The following H2BC18 variants were observed in gnomAD, a reference collection of about 807,000 sequenced individuals.
The protein encoded by H2BC18 is histone H2B type 2-F.
Under a neutral mutation model 6.3 loss-of-function variants are expected in H2BC18, and 8 were observed. That is an observed-to-expected ratio of 1.28 (90% CI 0.75 to 2.31). The LOEUF (loss-of-function observed/expected upper bound fraction) is 2.31. H2BC18 is among the 30% of genes most tolerant of loss of function. The pLI is 0.00. For synonymous variants in H2BC18, 104 were observed against 78.1 expected (o/e 1.33, Z -1.75); for missense variants, 106 against 174.5 (o/e 0.61, Z 2.21).
At chr1:149,786,953 G>A (rs1487273183) in intron 1 of H2BC18, 2 of 152,078 alleles carry the variant, frequency 1.3e-5, no homozygotes, top group Non-Finnish European at 2.9e-5. Flanking sequence ...TGTTTGAAAA[G>A]CATATGAATT....
chr1:149,812,210 G>A lies in H2BC18; in HGVS notation c.114C>T (p.Tyr38=), dbSNP rs587643369. The A allele has an allele frequency of 1.2e-6, 2 of 1,614,274 alleles. No homozygotes were observed. Among genetic ancestry groups the A allele is most frequent in the East Asian group, 2.2e-5 (1 of 44,890 alleles). Residue 38 remains tyrosine, a synonymous_variant, in exon 1 of 1, where the codon TAC becomes TAT. Coordinates refer to ENST00000369167, the MANE Select transcript of H2BC18 (RefSeq NM_001024599.5). ...KKRKRSRKES[Y]SVYVYKVLKQ... is the part of the protein sequence containing the mutation. ...TCAGCACCTTGTACACGTAAACGGA[G>A]TAGCTCTCCTTGCGGCTGCGCTTGC... is the stretch of plus-strand genomic sequence containing the variant.
chr1:149,808,797 C>T (rs1269267473), downstream of H2BC18, among the ~76,000 whole-genome samples: 6 of 152,132 alleles, frequency 3.9e-5, no homozygotes, highest in Non-Finnish European at 7.4e-5. Flanking sequence ...AAAAAATTTT[C>T]CATAATATCT....
chr1:149,786,084 T>C (rs1312406852), intron 1 of H2BC18: 2 of 152,130 alleles, frequency 1.3e-5, no homozygotes, highest in Non-Finnish European at 2.9e-5. Flanking sequence ...GATATTTTTG[T>C]TTACATGTTT....
In H2BC18 at chr1:149,812,347, A is replaced by G. The variant is rs376484782; in HGVS notation, c.-24T>C. 6.2e-7 allele frequency: 1 copy of G among 1,613,982 alleles called. No homozygotes were observed. Among genetic ancestry groups the G allele is most frequent in the Admixed American group, 1.7e-5 (1 of 59,974 alleles). On this transcript the variant is annotated 5_prime_UTR_variant, in exon 1 of 1. Transcript: ENST00000369167. ...ATTTTTGCGCGAAAAAAGAGAAAAG[A>G]GACTTAAAGAAGTAATCCGAACTAC...
chr1:149,784,822 T>C (rs1293254941), intron 1 of H2BC18, among the ~76,000 whole-genome samples: 9 of 151,884 alleles, frequency 5.9e-5, no homozygotes, highest in Admixed American at 1.3e-4. Context: ...GTTCTGTTTA[T>C]ATTAATAGAA....
chr1:149,797,452 A>C (rs1456238524), intron 1 of H2BC18, among the ~76,000 whole-genome samples: 10 of 152,242 alleles, frequency 6.6e-5, no homozygotes, highest in African/African-American at 2.2e-4. Flanking sequence ...CGGAAGGATT[A>C]ACTCTTAATT....
chr1:149,804,680 C>T (rs1553753696), intron 1 of H2BC18, among the ~76,000 whole-genome samples: 1 of 152,100 alleles, frequency 6.6e-6, no homozygotes, highest in African/African-American at 2.4e-5. Flanking sequence ...GGGTACATTA[C>T]CTCATTTAAT....
intron 1 of H2BC18, chr1:149,792,696 C>T: frequency 7.8e-7 from 1 of 1,282,040 alleles, no homozygotes; most frequent in Non-Finnish European, 1.0e-6. Context: ...CCAGCTGCGG[C>T]GAAAGCTGTT....
intron 1 of H2BC18, among the ~76,000 whole-genome samples, chr1:149,789,410 A>T (rs1422187996): frequency 3.3e-5 from 5 of 149,358 alleles, no homozygotes; most frequent in Admixed American, 3.3e-4. Context: ...AATAATAATA[A>T]TAATAATAAT....
chr1:149,786,616 A>C (rs2102038899), intron 1 of H2BC18: 1 of 152,230 alleles, frequency 6.6e-6, no homozygotes, highest in Non-Finnish European at 1.5e-5. Flanking sequence ...CCGAGCCCTA[A>C]TCATATGGCT....
downstream of H2BC18, among the ~76,000 whole-genome samples, chr1:149,807,803 C>T (rs12045089): frequency 1.3e-5 from 2 of 149,794 alleles, no homozygotes; most frequent in African/African-American, 2.5e-5. Flanking sequence ...GATTCCATCT[C>T]GAAAGAAAGA....
At position 149,784,531 on chromosome 1, in the gene H2BC18, G is replaced by C. The variant is rs1337011245; in HGVS notation, c.378-1271C>G. On this transcript the variant is annotated intron_variant, in intron 1 of 1. Transcript: ENST00000545683. The stretch of plus-strand genomic sequence containing the variant: ...GTATCATTATTCCAAATGTATGCCT[G>C]TACATAGTAAATAATAATAATTCAA... 3.3e-5 allele frequency among the ~76,000 whole-genome samples: 5 copies of C among 151,952 alleles called. No individual in the cohort carries two copies. The East Asian group carries it at 9.6e-4, about 29-fold the overall frequency.
chr1:149,791,639 C>T (rs1365236053), intron 1 of H2BC18: 1 of 1,498,852 alleles, frequency 6.7e-7, no homozygotes, highest in Non-Finnish European at 8.9e-7. Context: ...TGGTATGTAA[C>T]TCTTAAAGCA....
chr1:149,785,228 A>G (rs1439749615), intron 1 of H2BC18, among the ~76,000 whole-genome samples: 6 of 152,278 alleles, frequency 3.9e-5, no homozygotes, highest in South Asian at 2.1e-4. Context: ...GCAAAAGTCA[A>G]TCCACACTGG....
intron 1 of H2BC18, chr1:149,783,979 T>TTTCTTC: frequency 1.9e-6 from 3 of 1,589,850 alleles, no homozygotes; most frequent in Non-Finnish European, 2.6e-6. Context: ...TCTTTTTCTT[T>TTTCTTC]TTCTTCTTGT....
intron 1 of H2BC18, among the ~76,000 whole-genome samples, chr1:149,800,399 G>C (rs1225903225): frequency 6.7e-6 from 1 of 150,118 alleles, no homozygotes; most frequent in Non-Finnish European, 1.5e-5. Context: ...TCCCCTCCCC[G>C]GAAGTTGGAG....
intron 1 of H2BC18, among the ~76,000 whole-genome samples, chr1:149,802,085 A>T (rs2664710): frequency 0.011 from 1,588 of 144,012 alleles, 20 homozygotes; most frequent in African/African-American, 0.04. Flanking sequence ...ACTGTCTTCT[A>T]CTCTATAGAT....
exon 2 of H2BC18, chr1:149,782,947 C>T (rs2091457867): frequency 7.7e-6 from 9 of 1,175,596 alleles, no homozygotes; most frequent in Non-Finnish European, 9.8e-6. Flanking sequence ...GGAAGGGCAA[C>T]CCTGAGGTAG....
chr1:149,806,594 C>CAA (rs781839663), intron 1 of H2BC18, among the ~76,000 whole-genome samples: 4 of 130,626 alleles, frequency 3.1e-5, no homozygotes, highest in Admixed American at 7.7e-5. Context: ...GACTCCGTCT[C>CAA]AAAAAAAAAA....
Sources: allele counts gnomAD v4.1 joint callset (sites outside exome capture counted in the v4.1 genomes callset), GRCh38; gene constraint gnomAD v4.1.1; transcripts MANE v1.5; gene names NCBI Gene and HGNC (gene_info 2026-07-23, HGNC 2026-07-21).